SEZ6: variants seen among roughly 807,000 people sequenced by gnomAD.
SEZ6 encodes seizure related 6 homolog.
A neutral mutation model predicts 101.0 loss-of-function variants in SEZ6; 53 were observed. That is an observed-to-expected ratio of 0.52 (90% confidence interval 0.42 to 0.66). The LOEUF is 0.66. Ranked by LOEUF, SEZ6 falls within the 30% of genes least tolerant of loss-of-function variation. The probability of loss-of-function intolerance (pLI) is 0.00; values close to 1 mark genes in which losing one functional copy is unlikely to be tolerated. For synonymous variants in SEZ6, 488 were observed against 512.2 expected, an observed-to-expected ratio of 0.95 and a Z score of 0.64; for missense variants, 1,102 against 1,289.4, an observed-to-expected ratio of 0.85 and a Z score of 2.23.
intron 1 of SEZ6, among the ~76,000 whole-genome samples, chr17:29,000,633 C>G (rs1443794596): frequency 1.3e-5 from 2 of 152,128 alleles, no homozygotes; most frequent in African/African-American, 4.8e-5. Context: ...CATGTAGGCT[C>G]AGAGCTGCTC....
At chr17:28,960,215 C>A in intron 7 of SEZ6, 1 of 577,026 alleles carries the variant, frequency 1.7e-6, no homozygotes, top group Non-Finnish European at 3.1e-6. Context: ...TCTCTTACAG[C>A]AATTCTTTCT....
At chr17:28,988,047 C>T (rs1412208396) in intron 1 of SEZ6, among the ~76,000 whole-genome samples, 1 of 152,170 alleles carries the variant, frequency 6.6e-6, no homozygotes, top group Non-Finnish European at 1.5e-5. Context: ...CTGGTTGTGC[C>T]CTGGAGGGGC....
intron 3 of SEZ6, among the ~76,000 whole-genome samples, chr17:28,979,180 A>G (rs1460035474): frequency 1.3e-5 from 2 of 152,132 alleles, no homozygotes; most frequent in Non-Finnish European, 2.9e-5. Flanking sequence ...GAGATAACCC[A>G]GGGAGGCTGG....
intron 1 of SEZ6, among the ~76,000 whole-genome samples, chr17:28,995,118 C>T (rs1188617796): frequency 2.0e-5 from 3 of 152,052 alleles, no homozygotes; most frequent in Non-Finnish European, 4.4e-5. Flanking sequence ...CGTGACCCAC[C>T]CGCCTTGGCC....
Position 28,959,243 on chromosome 17 carries a change from G to A in SEZ6, c.1911-22C>T. The A allele has an allele frequency of 1.2e-6, 2 of 1,612,260 alleles. No individual in the cohort carries two copies. Among genetic ancestry groups the A allele is most frequent in the Non-Finnish European group, 1.7e-6 (2 of 1,178,948 alleles). On this transcript the variant is annotated intron_variant, in intron 9 of 16. Transcript: ENST00000317338. This position sits in a 1 kb window ranked among gnomAD's most constrained non-coding sequence, Gnocchi z 4.4. ...CAGCCTGTGAAGGAGGAGCGTCAGG[G>A]CAGAGCCGGCCTGGGGGCCCGAGGA...
intron 1 of SEZ6, among the ~76,000 whole-genome samples, chr17:28,986,237 G>C (rs2041381460): frequency 6.6e-6 from 1 of 152,204 alleles, no homozygotes; most frequent in African/African-American, 2.4e-5. Context: ...ATTCTCTCCC[G>C]CTCCCGCCTC....
intron 4 of SEZ6, among the ~76,000 whole-genome samples, chr17:28,964,629 G>C (rs1162972387): frequency 2.0e-5 from 3 of 152,222 alleles, no homozygotes; most frequent in African/African-American, 7.2e-5. Flanking sequence ...GATGTAAAGT[G>C]TTGATACTGT....
At chr17:28,966,746 T>C (rs560254690) in intron 4 of SEZ6, among the ~76,000 whole-genome samples, 3 of 149,004 alleles carry the variant, frequency 2.0e-5, no homozygotes, top group East Asian at 1.9e-4. Context: ...CCCTCTTTCT[T>C]CCCCCCCATT....
chr17:28,979,725 G>A lies in SEZ6; in HGVS notation c.813C>T (p.Cys271=), dbSNP rs2041271215. 6.2e-7 allele frequency: 1 copy of A among 1,613,992 alleles called. No individual in the cohort carries two copies. Among genetic ancestry groups the A allele is most frequent in the Non-Finnish European group, 8.5e-7 (1 of 1,179,898 alleles). Residue 271 remains cysteine, a synonymous_variant, in exon 3 of 17, where the codon TGC becomes TGT. Coordinates refer to ENST00000317338, the MANE Select transcript of SEZ6 (RefSeq NM_178860.5). ...CAGGGTAGACAGAGATGTAGAAGAAGCAGTCCAGGCCAACATCAGTGGGGG... is the reference window on the plus strand; with the variant it reads ...CAGGGTAGACAGAGATGTAGAAGAAACAGTCCAGGCCAACATCAGTGGGGG... ...LSSPTDVGLD[C]FFYISVYPGY...
chr17:28,987,023 G>A (rs1272356816), intron 1 of SEZ6, among the ~76,000 whole-genome samples: 1 of 152,198 alleles, frequency 6.6e-6, no homozygotes, highest in Non-Finnish European at 1.5e-5. Context: ...CCTCATGGCA[G>A]CACCAACTGT....
chr17:28,993,804 T>G (rs2041498605), intron 1 of SEZ6, among the ~76,000 whole-genome samples: 1 of 152,182 alleles, frequency 6.6e-6, no homozygotes, highest in Non-Finnish European at 1.5e-5. Flanking sequence ...GCCTCTACCC[T>G]GAGGTTCAAA....
At position 28,955,954 on chromosome 17, in the gene SEZ6, T is replaced by G. The variant is rs748733059; in HGVS notation, c.*8A>C. ...CTTCCCTAGACTGCCCCCACCTAGA[T>G]GGAGACTTCATATTCTCTCGTCTCC... On this transcript the variant is annotated 3_prime_UTR_variant, in exon 17 of 17. Coordinates refer to ENST00000317338, the MANE Select transcript of SEZ6 (RefSeq NM_178860.5). 5 of 1,612,084 alleles carry G rather than the reference T, an allele frequency of 3.1e-6. No homozygotes were observed. The Admixed American group carries it at 8.4e-5, about 27-fold the overall frequency.
intron 3 of SEZ6, among the ~76,000 whole-genome samples, chr17:28,978,719 G>T (rs1422932097): frequency 6.6e-6 from 1 of 152,180 alleles, no homozygotes; most frequent in Non-Finnish European, 1.5e-5. Flanking sequence ...GGTGTAGGGG[G>T]CAGGATTGAT....
At chr17:29,004,805 C>T (rs924811900) in intron 1 of SEZ6, among the ~76,000 whole-genome samples, 1 of 152,160 alleles carries the variant, frequency 6.6e-6, no homozygotes, top group Non-Finnish European at 1.5e-5. Context: ...TCCATGAGAG[C>T]TTGTTTGAGC....
chr17:28,995,921 CT>C (rs747985054), intron 1 of SEZ6, among the ~76,000 whole-genome samples: 3 of 152,124 alleles, frequency 2.0e-5, no homozygotes, highest in Non-Finnish European at 2.9e-5. Context: ...CCAGGCATGC[CT>C]CCCTCCTCTC....
In SEZ6 at chr17:29,005,853, A is replaced by C. The variant is rs1254519287; in HGVS notation, c.17T>G (p.Leu6Arg). Residue 6 changes from leucine to arginine, a missense_variant, in exon 1 of 17, where the codon CTG (leucine) becomes CGG (arginine). By Grantham distance (102) the Leu-to-Arg change is moderately radical. Transcript: ENST00000317338. The surrounding 1 kb of genome is among the most constrained non-coding windows in gnomAD (Gnocchi z 4.8). MRPVALLLLPSLLALL... is the reference protein window; with the variant it reads MRPVARLLLPSLLALL... ...CGCCAGCAGCGAGGGCAGGAGCAGCAGGGCTACCGGGCGCATGGTGCTGGT... is the reference window on the plus strand; with the variant it reads ...CGCCAGCAGCGAGGGCAGGAGCAGCCGGGCTACCGGGCGCATGGTGCTGGT... 2.7e-6 allele frequency: 4 copies of C among 1,478,786 alleles called. No homozygotes were observed. The highest frequency in any genetic ancestry group is 3.6e-6 in the Non-Finnish European group (4 of 1,114,948). 91.6% of individuals were successfully genotyped at this position (1,478,786 alleles called of 1,614,324 possible).
At chr17:28,982,696 C>A (rs1254082291) in intron 1 of SEZ6, among the ~76,000 whole-genome samples, 1 of 151,920 alleles carries the variant, frequency 6.6e-6, no homozygotes, top group African/African-American at 2.4e-5. Flanking sequence ...CTGTGTGGCC[C>A]GGGCTGCAAT....
chr17:28,970,013 C>T, intron 3 of SEZ6, 61 bp from the exon 4 acceptor site: 1 of 1,450,954 alleles, frequency 6.9e-7, no homozygotes, highest in Non-Finnish European at 9.1e-7. Context: ...TGCCTGGATC[C>T]TGCCGCCCTC....
chr17:28,997,910 C>T (rs987746764), intron 1 of SEZ6, among the ~76,000 whole-genome samples: 6 of 152,094 alleles, frequency 3.9e-5, no homozygotes, highest in Non-Finnish European at 8.8e-5. Context: ...AGGACTCCCC[C>T]CTCCTCCTTG....
Sources: gnomAD v4.1 joint callset for allele counts (sites outside exome capture counted in the v4.1 genomes callset) on GRCh38, gnomAD v4.1.1 for gene constraint, Gnocchi (gnomAD v3.1) non-coding constraint, MANE v1.5 for transcripts, NCBI Gene and HGNC (gene_info 2026-07-23, HGNC 2026-07-21) for gene names.